MYO6: variants seen among roughly 807,000 people sequenced by gnomAD.
The protein encoded by MYO6 is unconventional myosin-VI.
Under a neutral mutation model 178.7 loss-of-function variants are expected in MYO6, and 74 were observed. The ratio of observed to expected loss-of-function variants is 0.41; its 90% CI spans 0.34 to 0.50. The LOEUF (loss-of-function observed/expected upper bound fraction) is 0.50, where lower values mean the gene tolerates loss of function less well. MYO6 is among the 20% of genes least tolerant of loss of function. MYO6 has a pLI of 0.09. For synonymous variants in MYO6, 477 were observed against 504.6 expected (o/e 0.95, Z 0.73); for missense variants, 1,330 against 1,547.4 (o/e 0.86, Z 2.36).
At chr6:75,903,718 T>C (rs1292795994) in intron 30 of MYO6, among the ~76,000 whole-genome samples, 4 of 152,144 alleles carry the variant, frequency 2.6e-5, no homozygotes, top group African/African-American at 9.7e-5. Context: ...GAGCATTTAT[T>C]CCATTTACAT....
At chr6:75,867,375 G>C (rs1433734177) in intron 18 of MYO6, 5 of 314,912 alleles carry the variant, frequency 1.6e-5, no homozygotes, top group Non-Finnish European at 3.0e-5. Context: ...CATACTGTCT[G>C]GTTGACCTTC....
intron 19 of MYO6, among the ~76,000 whole-genome samples, chr6:75,872,413 G>A (rs1299625753): frequency 6.6e-6 from 1 of 152,152 alleles, no homozygotes; most frequent in Non-Finnish European, 1.5e-5. Flanking sequence ...TGCAGCTTAG[G>A]GACCTACTGT....
At chr6:75,855,974 T>C (rs746064455) in intron 12 of MYO6, among the ~76,000 whole-genome samples, 20 of 152,282 alleles carry the variant, frequency 1.3e-4, no homozygotes, top group Non-Finnish European at 2.8e-4. Flanking sequence ...TGCAACAAAT[T>C]TAAACAAAGA....
At chr6:75,852,389 AT>A (rs1433920200) in intron 11 of MYO6, among the ~76,000 whole-genome samples, 1 of 152,112 alleles carries the variant, frequency 6.6e-6, no homozygotes, top group Non-Finnish European at 1.5e-5. Flanking sequence ...AGTTCACTCA[AT>A]TGAAGTGTAT....
intron 1 of MYO6, among the ~76,000 whole-genome samples, chr6:75,763,425 C>G (rs1200996038): frequency 6.6e-6 from 1 of 151,974 alleles, no homozygotes; most frequent in Admixed American, 6.6e-5. Context: ...TGATTGTTTC[C>G]TAGATTATAT....
intron 18 of MYO6, among the ~76,000 whole-genome samples, chr6:75,869,139 T>C (rs1776938036): frequency 6.7e-6 from 1 of 150,232 alleles, no homozygotes; most frequent in Admixed American, 6.7e-5. Flanking sequence ...AGTCTGGACT[T>C]TGCGACAGTT....
chr6:75,904,109 A>T (rs1301623202), intron 30 of MYO6, among the ~76,000 whole-genome samples: 1 of 152,122 alleles, frequency 6.6e-6, no homozygotes, highest in African/African-American at 2.4e-5. Context: ...TGTTAGTCTG[A>T]TGGGCTTCCC....
In MYO6 at chr6:75,908,559, G is replaced by T; in HGVS notation, c.3344G>T (p.Trp1115Leu). The T allele has an allele frequency of 6.2e-7, 1 of 1,613,224 alleles. No individual in the cohort carries two copies. The highest frequency in any genetic ancestry group is 2.2e-5 in the East Asian group (1 of 44,772). The change falls in exon 32 of 35, where the codon TGG (tryptophan) becomes TTG (leucine). Residue 1115 changes from tryptophan to leucine, a missense_variant. Trp to Leu is a moderately conservative substitution (Grantham distance 61). Transcript: ENST00000369977. The stretch of plus-strand genomic sequence containing the variant: ...AGGAGACTAAAAGTGTATCATGCTT[G>T]GAAATCTAAGAACAAGAAGAGAAAT... The part of the protein sequence containing the change: ...FHRRLKVYHA[W>L]KSKNKKRNTE...
At chr6:75,752,469 C>T (rs988058753) in intron 1 of MYO6, among the ~76,000 whole-genome samples, 3 of 152,164 alleles carry the variant, frequency 2.0e-5, no homozygotes, top group African/African-American at 7.2e-5. Context: ...AGTCTAGTCT[C>T]AAAGAATTAA....
chr6:75,885,314 A>G lies in MYO6; in HGVS notation c.2417-690A>G, dbSNP rs142443345. Among the ~76,000 whole-genome samples the G allele has an allele frequency of 1.9e-3, 282 of 152,276 alleles. 3 individuals are homozygous for G. The East Asian group carries it at 0.029, about 15-fold the overall frequency. On this transcript the variant is annotated intron_variant, in intron 23 of 34. Coordinates refer to ENST00000369977, the MANE Select transcript of MYO6 (RefSeq NM_004999.4). Reference sequence around the variant, plus strand: ...TTTGGGAGGCTGAGGTGGGAGGATCACTTGAGGTCAGGAATTCAAGACCAG... The same window carrying G: ...TTTGGGAGGCTGAGGTGGGAGGATCGCTTGAGGTCAGGAATTCAAGACCAG...
intron 1 of MYO6, among the ~76,000 whole-genome samples, chr6:75,791,401 G>T (rs562205202): frequency 6.6e-6 from 1 of 152,104 alleles, no homozygotes; most frequent in Non-Finnish European, 1.5e-5. Flanking sequence ...TCTTTTTAAT[G>T]CTGGGATAAA....
At chr6:75,816,119 C>T (rs9447563) in intron 1 of MYO6, among the ~76,000 whole-genome samples, 343 of 152,216 alleles carry the variant, frequency 2.3e-3, no homozygotes, top group African/African-American at 7.9e-3. Context: ...GTAAACAATC[C>T]AAATATTCAT....
chr6:75,834,699 G>A (rs1424173888), intron 6 of MYO6, among the ~76,000 whole-genome samples: 1 of 152,158 alleles, frequency 6.6e-6, no homozygotes, highest in Non-Finnish European at 1.5e-5. Flanking sequence ...ATAGTTCTTA[G>A]TTGATTGCTG....
chr6:75,834,422 AGG>A (rs1342336951), intron 6 of MYO6, among the ~76,000 whole-genome samples: 1 of 152,014 alleles, frequency 6.6e-6, no homozygotes, highest in East Asian at 1.9e-4. Flanking sequence ...TTGTAGAGAC[AGG>A]GTTATGCTAT....
intron 1 of MYO6, among the ~76,000 whole-genome samples, chr6:75,781,727 C>T (rs1035470429): frequency 6.6e-6 from 1 of 151,874 alleles, no homozygotes; most frequent in East Asian, 1.9e-4. Context: ...CAGAGACCAG[C>T]CTGGCTAATA....
chr6:75,869,762 A>T (rs948286121), intron 18 of MYO6, among the ~76,000 whole-genome samples: 1 of 152,024 alleles, frequency 6.6e-6, no homozygotes, highest in Non-Finnish European at 1.5e-5. Flanking sequence ...TTCATTGTCA[A>T]TTTTTTTTGA....
chr6:75,812,513 T>C (rs1770794940), intron 1 of MYO6, among the ~76,000 whole-genome samples: 1 of 152,198 alleles, frequency 6.6e-6, no homozygotes, highest in African/African-American at 2.4e-5. Context: ...CTATTGACTG[T>C]AGTCACCCTC....
chr6:75,852,389 A>G (rs1054000502), intron 11 of MYO6, among the ~76,000 whole-genome samples: 45 of 152,230 alleles, frequency 3.0e-4, no homozygotes, highest in Middle Eastern at 3.4e-3. Context: ...AGTTCACTCA[A>G]TTGAAGTGTA....
intron 1 of MYO6, among the ~76,000 whole-genome samples, chr6:75,753,118 T>C (rs936734584): frequency 1.3e-5 from 2 of 152,142 alleles, no homozygotes; most frequent in African/African-American, 4.8e-5. Flanking sequence ...AAGCCCATTT[T>C]TTCTGGTAAC....
Sources: gnomAD v4.1 joint callset for allele counts (sites outside exome capture counted in the v4.1 genomes callset) on GRCh38, gnomAD v4.1.1 for gene constraint, MANE v1.5 for transcripts, NCBI Gene and HGNC (gene_info 2026-07-23, HGNC 2026-07-21) for gene names.